HFM1: variants seen among roughly 807,000 people sequenced by gnomAD.
HFM1 encodes the protein helicase for meiosis 1.
In HFM1, 169 loss-of-function variants were observed where a neutral mutation model predicts 192.1. The ratio of observed to expected loss-of-function variants is 0.88; its 90% CI spans 0.78 to 1.00. The LOEUF (loss-of-function observed/expected upper bound fraction) is 1.00, where lower values mean the gene tolerates loss of function less well. HFM1 is among the 50% of genes least tolerant of loss of function. The pLI, the probability that HFM1 is intolerant of heterozygous loss-of-function variation, is 0.00. For missense variants in HFM1, 1,661 were observed against 1,668.0 expected (o/e 1.00, Z 0.07); for synonymous variants, 525 against 537.8 (o/e 0.98, Z 0.33).
chr1:91,387,207 T>C (rs781406538), intron 4 of HFM1, among the ~76,000 whole-genome samples: 1 of 152,332 alleles, frequency 6.6e-6, no homozygotes, highest in African/African-American at 2.4e-5. Context: ...TCATCAGTCT[T>C]GTCTATGAAA....
chr1:91,335,398 G>A (rs1344981311), intron 20 of HFM1, among the ~76,000 whole-genome samples: 1 of 151,966 alleles, frequency 6.6e-6, no homozygotes, highest in Non-Finnish European at 1.5e-5. Flanking sequence ...GAAAATGAAA[G>A]GTTTTAAGAA....
intron 20 of HFM1, chr1:91,328,291 T>C (rs1383443855): frequency 9.0e-7 from 1 of 1,105,506 alleles, no homozygotes; most frequent in Non-Finnish European, 1.3e-6. Flanking sequence ...AAAGTGGGCT[T>C]AGGACCGCCT....
chr1:91,404,053 A>G (rs1371748244), intron 1 of HFM1, among the ~76,000 whole-genome samples: 2 of 152,216 alleles, frequency 1.3e-5, no homozygotes, highest in African/African-American at 2.4e-5. Context: ...AGGGACCAAC[A>G]TTTACGGGAA....
chr1:91,370,970 A>T (rs1660104472), intron 13 of HFM1, among the ~76,000 whole-genome samples: 1 of 151,994 alleles, frequency 6.6e-6, no homozygotes, highest in African/African-American at 2.4e-5. Context: ...GAGCCAAATC[A>T]TGAGTGAACT....
intron 30 of HFM1, among the ~76,000 whole-genome samples, chr1:91,305,762 T>C (rs1381808615): frequency 1.3e-5 from 2 of 151,842 alleles, no homozygotes; most frequent in Admixed American, 1.3e-4. Flanking sequence ...AAGATGGAGT[T>C]TCACACTGTT....
At chr1:91,287,198 T>C (rs1668089412) in intron 30 of HFM1, among the ~76,000 whole-genome samples, 1 of 152,226 alleles carries the variant, frequency 6.6e-6, no homozygotes, top group Non-Finnish European at 1.5e-5. Context: ...AGGCTCCACC[T>C]CTGGGGGCAG....
At chr1:91,394,594 A>C (rs546682663) in intron 3 of HFM1, among the ~76,000 whole-genome samples, 192 bp from the exon 4 acceptor site, 2 of 152,248 alleles carry the variant, frequency 1.3e-5, no homozygotes, top group East Asian at 3.9e-4. Flanking sequence ...GGTATATTAC[A>C]TCATTAACAG....
At chr1:91,276,124 A>G (rs947351323) in intron 32 of HFM1, among the ~76,000 whole-genome samples, 4 of 152,066 alleles carry the variant, frequency 2.6e-5, no homozygotes, top group African/African-American at 7.2e-5. Context: ...TGCTTGGAAT[A>G]TTTAGCTATC....
At chr1:91,357,442 G>A (rs1657897516) in intron 13 of HFM1, among the ~76,000 whole-genome samples, 1 of 151,940 alleles carries the variant, frequency 6.6e-6, no homozygotes, top group African/African-American at 2.4e-5. Context: ...GGCATATAAG[G>A]AAAACTTCTC....
chr1:91,364,597 T>A (rs2101857651), intron 13 of HFM1, among the ~76,000 whole-genome samples: 1 of 127,544 alleles, frequency 7.8e-6, no homozygotes, highest in East Asian at 2.4e-4. Flanking sequence ...TATATATACA[T>A]ATACATATAC....
At chr1:91,360,046 G>C (rs1658289294) in intron 13 of HFM1, among the ~76,000 whole-genome samples, 1 of 152,140 alleles carries the variant, frequency 6.6e-6, no homozygotes, top group African/African-American at 2.4e-5. Flanking sequence ...GGAGAAATAA[G>C]GTTCTTTTCA....
rs1665107584 is a variant in HFM1, at chr1:91,260,951, TA to T, written c.*338del. The T allele has an allele frequency of 6.2e-6, 1 of 161,710 alleles. No individual in the cohort carries two copies. The highest frequency in any genetic ancestry group is 2.4e-5 in the African/African-American group (1 of 41,960). 10.0% of individuals were successfully genotyped at this position (161,710 alleles called of 1,614,324 possible). On this transcript the variant is annotated 3_prime_UTR_variant, in exon 39 of 39. Coordinates refer to ENST00000370425, the MANE Select transcript of HFM1 (RefSeq NM_001017975.6). The stretch of plus-strand genomic sequence containing the variant: ...TTTCATAGAATATTTTTCTTCTTGT[TA>T]AGAAAATATAAAAATGAAATTTTAC...
In HFM1 at chr1:91,396,755, T is replaced by C. The variant is rs141688012; in HGVS notation, c.72-350A>G. 6.3e-3 allele frequency among the ~76,000 whole-genome samples: 955 copies of C among 152,326 alleles called. 6 individuals are homozygous for C. The highest frequency in any genetic ancestry group is 0.048 in the Middle Eastern group (14 of 294). On this transcript the variant is annotated intron_variant, in intron 2 of 38. Transcript: ENST00000370425. ...ATTTTAACTATTACAAGTAACAAAT[T>C]ACTTGACATATCTCACAACTAATCA...
intron 13 of HFM1, among the ~76,000 whole-genome samples, chr1:91,364,045 G>C (rs1306760876): frequency 6.6e-6 from 1 of 151,988 alleles, no homozygotes; most frequent in Non-Finnish European, 1.5e-5. Flanking sequence ...GTTGGGGAGG[G>C]AGAGCATTAA....
In HFM1 at chr1:91,375,578, G is replaced by A; in HGVS notation, c.1545C>T (p.Tyr515=). ...TEFKFDLTLN[Y]KIASVIQMYS... is the part of the protein sequence containing the mutation. ...ACATTTGTATAACACTGGCAATTTT[G>A]TAGTTGAGGGTTAAATCAAACTTAA... Residue 515 remains tyrosine (Y), a synonymous_variant, in exon 12 of 39, where the codon TAC becomes TAT. Transcript: ENST00000370425. 6.2e-7 allele frequency: 1 copy of A among 1,613,466 alleles called. No individual in the cohort carries two copies. Among genetic ancestry groups the A allele is most frequent in the Non-Finnish European group, 8.5e-7 (1 of 1,179,584 alleles).
At chr1:91,393,449 TCTTA>T (rs1489603815) in intron 4 of HFM1, among the ~76,000 whole-genome samples, 1 of 152,158 alleles carries the variant, frequency 6.6e-6, no homozygotes, top group Non-Finnish European at 1.5e-5. Flanking sequence ...CCGAACCTGT[TCTTA>T]CTTTATAGTT....
chr1:91,275,234 C>T (rs1432231046), intron 32 of HFM1, among the ~76,000 whole-genome samples: 5 of 152,118 alleles, frequency 3.3e-5, no homozygotes, highest in African/African-American at 4.8e-5. Context: ...CCACCCGCCT[C>T]GGCCTCCCAA....
intron 13 of HFM1, among the ~76,000 whole-genome samples, chr1:91,368,761 C>A (rs965637050): frequency 1.7e-4 from 26 of 152,156 alleles, no homozygotes; most frequent in Non-Finnish European, 2.8e-4. Context: ...TTAACCTTAA[C>A]TGTAAATGGG....
At chr1:91,318,438 ACT>A (rs887356094) in intron 25 of HFM1, among the ~76,000 whole-genome samples, 28 of 152,152 alleles carry the variant, frequency 1.8e-4, no homozygotes, top group African/African-American at 6.3e-4. Flanking sequence ...TGAGATAGTA[ACT>A]CTCTTTTTAG....
Sources: gnomAD v4.1 joint callset for allele counts (sites outside exome capture counted in the v4.1 genomes callset) on GRCh38, gnomAD v4.1.1 for gene constraint, MANE v1.5 for transcripts, NCBI Gene and HGNC (gene_info 2026-07-23, HGNC 2026-07-21) for gene names.